GRM4: variants seen among roughly 807,000 people sequenced by gnomAD.
GRM4 encodes the protein glutamate metabotropic receptor 4, also known as metabotropic glutamate receptor 4.
Under a neutral mutation model 81.7 loss-of-function variants are expected in GRM4, and 28 were observed. The ratio of observed to expected loss-of-function variants is 0.34; its 90% CI spans 0.25 to 0.47. The LOEUF is 0.47. Among genes scored for constraint, GRM4 ranks in the 20% least tolerant of loss-of-function variants. The pLI is 1.00. For synonymous variants in GRM4, 488 were observed against 528.8 expected, an observed-to-expected ratio of 0.92 and a Z score of 1.06; for missense variants, 948 against 1,290.0, an observed-to-expected ratio of 0.73 and a Z score of 4.06.
intron 2 of GRM4, among the ~76,000 whole-genome samples, chr6:34,098,845 C>T (rs1193563282): frequency 6.6e-6 from 1 of 152,210 alleles, no homozygotes; most frequent in Non-Finnish European, 1.5e-5. Flanking sequence ...TGCAGCCTCC[C>T]CTACAGCGCC....
chr6:34,141,250 T>C (rs2499732), intron 1 of GRM4, among the ~76,000 whole-genome samples: 83,957 of 151,870 alleles, frequency 0.55, 25,281 homozygotes, highest in African/African-American at 0.81. Context: ...AGAGCAGCTG[T>C]CCAGGCTCTC....
At chr6:34,053,450 C>A (rs1217734353) in intron 6 of GRM4, among the ~76,000 whole-genome samples, 1 of 152,222 alleles carries the variant, frequency 6.6e-6, no homozygotes, top group East Asian at 1.9e-4. Context: ...CTCACCTCAC[C>A]CAGAGATAGA....
intron 3 of GRM4, chr6:34,063,751 CG>C (rs1460480499): frequency 6.6e-6 from 1 of 152,214 alleles, no homozygotes; most frequent in East Asian, 1.9e-4. Flanking sequence ...CACCACTGGC[CG>C]GGCCGGCTCT....
At chr6:34,056,977 C>T (rs1209858943) in intron 5 of GRM4, among the ~76,000 whole-genome samples, 2 of 152,180 alleles carry the variant, frequency 1.3e-5, no homozygotes, top group South Asian at 2.1e-4. Context: ...ATGCTAACAG[C>T]GGGCTTTGAG....
Position 34,064,487 on chromosome 6 carries a change from G to T in GRM4, c.737-2459C>A, listed in dbSNP as rs1766347121. ...CATGTAGTGAATGGATAGGATTGTG[G>T]AGTTGAGGGGGCTTGTGGGCCCATG... On this transcript the variant is annotated intron_variant, in intron 3 of 10. Coordinates refer to ENST00000538487, the MANE Select transcript of GRM4 (RefSeq NM_000841.4). This position sits in a 1 kb window ranked among gnomAD's most constrained non-coding sequence, Gnocchi z 4.4. Among the ~76,000 whole-genome samples, 1 of 152,200 alleles carries T rather than the reference G, an allele frequency of 6.6e-6. No homozygotes were observed. Among genetic ancestry groups the T allele is most frequent in the Admixed American group, 6.5e-5 (1 of 15,290 alleles).
In GRM4 at chr6:34,080,776, A is replaced by T. The variant is rs1320513789; in HGVS notation, c.736+11107T>A. 2.0e-5 allele frequency among the ~76,000 whole-genome samples: 3 copies of T among 151,978 alleles called. No individual in the cohort carries two copies. ...CACAGCTCATACTTGGTCACGCAGG[A>T]GTCACACGTGACTTGAGGGATCCTG... is the stretch of plus-strand genomic sequence containing the variant. On this transcript the variant is annotated intron_variant, in intron 3 of 10. Coordinates refer to ENST00000538487, the MANE Select transcript of GRM4 (RefSeq NM_000841.4). The surrounding 1 kb of genome is among the most constrained non-coding windows in gnomAD (Gnocchi z 5.4).
rs1765434154 is a variant in GRM4, at chr6:34,047,958, C to CA, written c.1169-7211dup. 1.3e-5 allele frequency among the ~76,000 whole-genome samples: 2 copies of CA among 151,892 alleles called. No individual in the cohort carries two copies. Among genetic ancestry groups the CA allele is most frequent in the African/African-American group, 4.8e-5 (2 of 41,408 alleles). On this transcript the variant is annotated intron_variant, in intron 6 of 10. Coordinates refer to ENST00000538487, the MANE Select transcript of GRM4 (RefSeq NM_000841.4). This position sits in a 1 kb window ranked among gnomAD's most constrained non-coding sequence, Gnocchi z 4.5. ...CAAACCCTCAAGAATATGACCCCAG[C>CA]AAAAAAACACTAAGGAGAGAAGCTG...
Position 34,070,422 on chromosome 6 carries a change from G to A in GRM4, c.737-8394C>T, listed in dbSNP as rs1380746463. Among the ~76,000 whole-genome samples the A allele has an allele frequency of 6.6e-6, 1 of 152,066 alleles. No homozygotes were observed. Among genetic ancestry groups the A allele is most frequent in the African/African-American group, 2.4e-5 (1 of 41,396 alleles). ...GAGCAAGTGAAGAAAGGTGCATGCT[G>A]GCTGTGCAAAGGCACCGGGTCACAA... On this transcript the variant is annotated intron_variant, in intron 3 of 10. Coordinates refer to ENST00000538487, the MANE Select transcript of GRM4 (RefSeq NM_000841.4). The surrounding 1 kb of genome is among the most constrained non-coding windows in gnomAD (Gnocchi z 4.6).
chr6:34,107,602 G>A (rs73412885), intron 2 of GRM4, among the ~76,000 whole-genome samples: 17,204 of 152,176 alleles, frequency 0.11, 1,456 homozygotes, highest in East Asian at 0.31. Context: ...GCTGACACCT[G>A]GAAGAGAGGT....
intron 2 of GRM4, among the ~76,000 whole-genome samples, chr6:34,102,416 C>T (rs576308328): frequency 6.6e-6 from 1 of 152,204 alleles, no homozygotes; most frequent in South Asian, 2.1e-4. Flanking sequence ...TCGAACTCTC[C>T]AGGCACACTC....
intron 1 of GRM4, among the ~76,000 whole-genome samples, chr6:34,139,813 G>A (rs2127515723): frequency 6.6e-6 from 1 of 152,336 alleles, no homozygotes. Flanking sequence ...ACTCTGTTGT[G>A]TGCTCAAGCA....
At chr6:34,113,723 G>C (rs994888531) in intron 2 of GRM4, among the ~76,000 whole-genome samples, 1 of 152,164 alleles carries the variant, frequency 6.6e-6, no homozygotes, top group East Asian at 1.9e-4. Context: ...AGGAAGGAGT[G>C]GGGGAGCAGG....
In GRM4 at chr6:34,133,134, G is replaced by A; in HGVS notation, c.363C>T (p.Thr121=). The change falls in exon 2 of 11, where the codon ACC becomes ACT. Residue 121 remains threonine, a synonymous_variant. Coordinates refer to ENST00000538487, the MANE Select transcript of GRM4 (RefSeq NM_000841.4). The surrounding 1 kb of genome is among the most constrained non-coding windows in gnomAD (Gnocchi z 6.5). Reference sequence around the variant, plus strand: ...CCTTCTCGATGAGCGCCTGCACAAAGGTCAGCGACTGCTCGAGGGCATGGG... The same window carrying A: ...CCTTCTCGATGAGCGCCTGCACAAAAGTCAGCGACTGCTCGAGGGCATGGG... ...RDTHALEQSL[T]FVQALIEKDG... is the part of the protein sequence containing the mutation. 6.2e-7 allele frequency: 1 copy of A among 1,614,052 alleles called. No individual in the cohort carries two copies. The highest frequency in any genetic ancestry group is 1.3e-5 in the African/African-American group (1 of 75,076).
At chr6:34,102,291 C>A (rs1259723464) in intron 2 of GRM4, 2 of 699,834 alleles carry the variant, frequency 2.9e-6, no homozygotes, top group Non-Finnish European at 4.7e-6. Context: ...GTCAGAATTA[C>A]ACTTGGCATT....
chr6:34,081,170 C>G (rs571025375), intron 3 of GRM4, among the ~76,000 whole-genome samples: 1 of 152,370 alleles, frequency 6.6e-6, no homozygotes, highest in South Asian at 2.1e-4. Flanking sequence ...TCATGCAGAA[C>G]TGGCTACAAA....
At chr6:34,119,608 C>T (rs1215959352) in intron 2 of GRM4, among the ~76,000 whole-genome samples, 1 of 152,210 alleles carries the variant, frequency 6.6e-6, no homozygotes, top group African/African-American at 2.4e-5. Flanking sequence ...TGACCAAGCC[C>T]TCTGTGGGGA....
chr6:34,055,629 T>G (rs1561777807), intron 6 of GRM4: 1 of 152,184 alleles, frequency 6.6e-6, no homozygotes, highest in Admixed American at 6.5e-5. Context: ...TGTTATTGAG[T>G]CTGGGTCCTG....
chr6:34,105,470 C>T (rs1769073349), intron 2 of GRM4, among the ~76,000 whole-genome samples: 1 of 152,184 alleles, frequency 6.6e-6, no homozygotes, highest in Admixed American at 6.5e-5. Context: ...GTAGTCCCTT[C>T]CTCGCTTGGT....
chr6:34,121,950 C>T lies in GRM4; in HGVS notation c.519+11028G>A, dbSNP rs1219384461. ...GACTTGTGGTGGGATTGAGGGGCAC[C>T]CTGAGTCGGAGGGAGGGGTCTGGGT... On this transcript the variant is annotated intron_variant, in intron 2 of 10. Transcript: ENST00000538487. The surrounding 1 kb of genome is among the most constrained non-coding windows in gnomAD (Gnocchi z 4.6). 6.6e-6 allele frequency among the ~76,000 whole-genome samples: 1 copy of T among 150,964 alleles called. No individual in the cohort carries two copies. The highest frequency in any genetic ancestry group is 1.5e-5 in the Non-Finnish European group (1 of 67,976).
Sources: gnomAD v4.1 joint callset for allele counts (sites outside exome capture counted in the v4.1 genomes callset) on GRCh38, gnomAD v4.1.1 for gene constraint, Gnocchi (gnomAD v3.1) non-coding constraint, MANE v1.5 for transcripts, NCBI Gene and HGNC (gene_info 2026-07-23, HGNC 2026-07-21) for gene names.